EYA4: variants seen among roughly 807,000 people sequenced by gnomAD.
EYA4 encodes the protein EYA transcriptional coactivator and phosphatase 4.
A neutral mutation model predicts 87.9 loss-of-function variants in EYA4; 31 were observed. The observed-to-expected ratio is 0.35, with a 90% CI of 0.27 to 0.48. The LOEUF is 0.48. EYA4 is among the 20% of genes least tolerant of loss of function. EYA4 has a pLI of 0.99. For synonymous variants in EYA4, 263 were observed against 270.6 expected, an observed-to-expected ratio of 0.97 and a Z score of 0.28; for missense variants, 678 against 761.4, an observed-to-expected ratio of 0.89 and a Z score of 1.29.
At chr6:133,466,940 G>C (rs1794903715) in intron 10 of EYA4, among the ~76,000 whole-genome samples, 1 of 152,068 alleles carries the variant, frequency 6.6e-6, no homozygotes, top group African/African-American at 2.4e-5. Context: ...TTTTGAGCAA[G>C]AAAATTACAT....
intron 4 of EYA4, among the ~76,000 whole-genome samples, chr6:133,447,021 C>A (rs1437183775): frequency 2.6e-5 from 4 of 151,990 alleles, no homozygotes; most frequent in Admixed American, 2.0e-4. Context: ...TTGTATTTGC[C>A]CTTGTAAATA....
chr6:133,297,964 T>C (rs1028763062), intron 2 of EYA4, among the ~76,000 whole-genome samples: 1 of 152,194 alleles, frequency 6.6e-6, no homozygotes, highest in Non-Finnish European at 1.5e-5. Flanking sequence ...GAATTACTTA[T>C]TACACCGAGG....
chr6:133,386,028 A>C (rs1270043265), intron 3 of EYA4, among the ~76,000 whole-genome samples: 1 of 152,118 alleles, frequency 6.6e-6, no homozygotes, highest in Non-Finnish European at 1.5e-5. Flanking sequence ...AAAATTTGAC[A>C]TTCCTTAAAT....
rs751797323 is a variant in EYA4 at position 133,523,175 on chromosome 6, T to C, written c.1736T>C (p.Ile579Thr). The part of the protein sequence containing the change: ...PIENIYSATK[I>T]GKESCFERIM... ...GAGAATATTTACAGTGCAACTAAAA[T>C]AGGTAAGGAAATTATTTTAAACTCT... The change falls in exon 18 of 20, where the codon ATA becomes ACA. Residue 579 changes from isoleucine to threonine, a missense_variant and splice_region_variant. Transcript: ENST00000355286. 3.7e-6 allele frequency: 6 copies of C among 1,612,200 alleles called. No homozygotes were observed. Among genetic ancestry groups the C allele is most frequent in the Non-Finnish European group, 4.2e-6 (5 of 1,178,578 alleles).
At chr6:133,269,248 G>A (rs911658521) in intron 1 of EYA4, among the ~76,000 whole-genome samples, 1 of 152,132 alleles carries the variant, frequency 6.6e-6, no homozygotes, top group Non-Finnish European at 1.5e-5. Flanking sequence ...GACAGAGCAG[G>A]ACTTCATCTC....
intron 14 of EYA4, among the ~76,000 whole-genome samples, chr6:133,508,343 T>A (rs191103709): frequency 5.9e-5 from 9 of 151,586 alleles, no homozygotes; most frequent in Admixed American, 2.6e-4. Flanking sequence ...CAGAATGATT[T>A]TATATATATA....
intron 3 of EYA4, among the ~76,000 whole-genome samples, chr6:133,398,364 A>C (rs1787980317): frequency 6.6e-6 from 1 of 152,184 alleles, no homozygotes; most frequent in Non-Finnish European, 1.5e-5. Context: ...GGGGGAAAGA[A>C]TTTTATGCAA....
At chr6:133,367,611 C>G (rs1784950125) in intron 2 of EYA4, among the ~76,000 whole-genome samples, 1 of 152,098 alleles carries the variant, frequency 6.6e-6, no homozygotes, top group South Asian at 2.1e-4. Flanking sequence ...GTGTGGCTGA[C>G]TCTCATAGAT....
chr6:133,413,826 A>G (rs1481881246), intron 3 of EYA4, among the ~76,000 whole-genome samples: 1 of 152,092 alleles, frequency 6.6e-6, no homozygotes, highest in Non-Finnish European at 1.5e-5. Flanking sequence ...TAAACTCAAC[A>G]TGTCCAGAAT....
intron 2 of EYA4, among the ~76,000 whole-genome samples, chr6:133,369,185 C>G (rs1375965467): frequency 5.9e-5 from 9 of 152,060 alleles, no homozygotes; most frequent in Non-Finnish European, 1.2e-4. Context: ...ATACTGTTTT[C>G]TTTAAAGAAA....
At chr6:133,451,083 G>T (rs115920110) in intron 5 of EYA4, among the ~76,000 whole-genome samples, 1,660 of 152,212 alleles carry the variant, frequency 0.011, 28 homozygotes, top group African/African-American at 0.036. Flanking sequence ...AGGCCTTGTG[G>T]GCTGTCTGCT....
At chr6:133,516,250 G>T (rs953741802) in intron 17 of EYA4, among the ~76,000 whole-genome samples, 13 of 152,098 alleles carry the variant, frequency 8.5e-5, no homozygotes, top group Non-Finnish European at 1.3e-4. Flanking sequence ...TGAAGGGTAG[G>T]AGGAGGGAGA....
At chr6:133,509,526 T>C (rs1291017607) in intron 14 of EYA4, among the ~76,000 whole-genome samples, 2 of 152,142 alleles carry the variant, frequency 1.3e-5, no homozygotes, top group African/African-American at 4.8e-5. Context: ...ATCCTCCTAA[T>C]AGACACTTCA....
chr6:133,448,053 T>C, intron 4 of EYA4, 58 bp from the exon 5 acceptor site: 1 of 1,294,558 alleles, frequency 7.7e-7, no homozygotes, highest in Non-Finnish European at 1.1e-6. Flanking sequence ...TTGAAGATTA[T>C]TCATATCCAC....
intron 2 of EYA4, among the ~76,000 whole-genome samples, chr6:133,311,259 T>C (rs1199368610): frequency 6.6e-6 from 1 of 152,188 alleles, no homozygotes; most frequent in Non-Finnish European, 1.5e-5. Flanking sequence ...CCTTCCCCTC[T>C]TTCCTGTGGC....
intron 2 of EYA4, among the ~76,000 whole-genome samples, chr6:133,369,644 A>C (rs1268436542): frequency 6.6e-6 from 1 of 152,204 alleles, no homozygotes; most frequent in Non-Finnish European, 1.5e-5. Context: ...ACAAACAAAA[A>C]TGTAAAATGT....
intron 2 of EYA4, among the ~76,000 whole-genome samples, chr6:133,351,236 T>C (rs1010230085): frequency 9.2e-5 from 14 of 152,206 alleles, no homozygotes; most frequent in African/African-American, 2.9e-4. Flanking sequence ...AGGATCTCAG[T>C]TGAATGTGTC....
At chr6:133,502,192 C>T (rs575144649) in intron 13 of EYA4, 1 of 152,116 alleles carries the variant, frequency 6.6e-6, no homozygotes, top group African/African-American at 2.4e-5. Flanking sequence ...CTGTTGTAGA[C>T]ACTTTGAACC....
In EYA4 at chr6:133,330,603, G is replaced by T. The variant is rs947881888; in HGVS notation, c.34-51789G>T. ...CACACACACACACACATACTTTTTTGGGGGGGATAAGAAGCATTAAAATAA... is the reference window on the plus strand; with the variant it reads ...CACACACACACACACATACTTTTTTTGGGGGGATAAGAAGCATTAAAATAA... On this transcript the variant is annotated intron_variant, in intron 2 of 19. Transcript: ENST00000355286. Among the ~76,000 whole-genome samples, 5 of 149,902 alleles carry T rather than the reference G, an allele frequency of 3.3e-5. 1 individual carries two copies. The South Asian group carries it at 1.1e-3, about 32-fold the overall frequency.
Sources: allele counts gnomAD v4.1 joint callset (sites outside exome capture counted in the v4.1 genomes callset), GRCh38; gene constraint gnomAD v4.1.1; transcripts MANE v1.5; gene names NCBI Gene and HGNC (gene_info 2026-07-23, HGNC 2026-07-21).